COL24A1: variants seen among roughly 807,000 people sequenced by gnomAD.
COL24A1 encodes collagen type XXIV alpha 1 chain, also known as collagen alpha-1(XXIV) chain.
In COL24A1, 224 loss-of-function variants were observed where a neutral mutation model predicts 253.9. That is an observed-to-expected ratio of 0.88 (90% CI 0.79 to 0.99). The LOEUF (loss-of-function observed/expected upper bound fraction) is 0.99. Among genes scored for constraint, COL24A1 ranks in the 50% least tolerant of loss-of-function variants. The pLI is 0.00. For missense variants in COL24A1, 2,131 were observed against 2,068.5 expected (o/e 1.03, Z -0.59); for synonymous variants, 685 against 673.7 (o/e 1.02, Z -0.26).
chr1:85,907,070 G>GA, intron 28 of COL24A1, 124 bp downstream of exon 28: 2 of 659,454 alleles, frequency 3.0e-6, no homozygotes, highest in South Asian at 2.2e-5. Flanking sequence ...AATGAAAATA[G>GA]AAAAAACCTG....
At chr1:86,031,701 C>T (rs1363858963) in intron 14 of COL24A1, among the ~76,000 whole-genome samples, 177 bp downstream of exon 14, 1 of 151,640 alleles carries the variant, frequency 6.6e-6, no homozygotes, top group Admixed American at 6.6e-5. Context: ...AATTTTTTGA[C>T]TTATACTACT....
intron 53 of COL24A1, among the ~76,000 whole-genome samples, chr1:85,765,656 G>T (rs1041386233): frequency 6.6e-6 from 1 of 151,932 alleles, no homozygotes; most frequent in African/African-American, 2.4e-5. Context: ...TGGGAGGATT[G>T]CCTGAGCCCA....
In COL24A1 at chr1:86,107,524, T is replaced by A. The variant is rs976994754; in HGVS notation, c.1599+5043A>T. ...CACAATGGTAATTTATTTATTTATT[T>A]ATTTATTTATTTATTTATTTATTTA... On this transcript the variant is annotated intron_variant, in intron 5 of 59. Transcript: ENST00000370571. Among the ~76,000 whole-genome samples the A allele has an allele frequency of 5.2e-4, 77 of 149,002 alleles. 1 individual carries two copies. The East Asian group carries it at 0.012, about 22-fold the overall frequency.
At position 85,982,858 on chromosome 1, in the gene COL24A1, G is replaced by A. The variant is rs558006929; in HGVS notation, c.2364+4743C>T. Among the ~76,000 whole-genome samples the A allele has an allele frequency of 1.4e-3, 208 of 152,072 alleles. 1 individual carries two copies. The Middle Eastern group carries it at 0.017, about 12-fold the overall frequency. On this transcript the variant is annotated intron_variant, in intron 20 of 59. Transcript: ENST00000370571. ...ATAAATATTTCTTAGCTGACTAAAT[G>A]TTACCTGGAGAATAAATGTCTTATA...
intron 24 of COL24A1, among the ~76,000 whole-genome samples, chr1:85,957,910 A>G (rs1344011162): frequency 1.3e-5 from 2 of 152,220 alleles, no homozygotes; most frequent in Admixed American, 6.5e-5. Context: ...CTCCTTCACT[A>G]GTATCATCTC....
intron 32 of COL24A1, among the ~76,000 whole-genome samples, chr1:85,886,122 G>C (rs1426762736): frequency 6.6e-6 from 1 of 151,218 alleles, no homozygotes; most frequent in African/African-American, 2.4e-5. Context: ...GAGTGCAGTT[G>C]TGCGATCTTG....
intron 5 of COL24A1, among the ~76,000 whole-genome samples, 161 bp from the exon 6 acceptor site, chr1:86,092,481 A>G (rs1283321994): frequency 6.6e-6 from 1 of 151,864 alleles, no homozygotes; most frequent in African/African-American, 2.4e-5. Flanking sequence ...TTTAATGTAT[A>G]TTTTTCTTAG....
At chr1:86,009,215 T>G (rs1696274143) in intron 19 of COL24A1, among the ~76,000 whole-genome samples, 1 of 152,128 alleles carries the variant, frequency 6.6e-6, no homozygotes, top group African/African-American at 2.4e-5. Context: ...CAACACACCA[T>G]AAAGTTTCTA....
At position 85,730,109 on chromosome 1, in the gene COL24A1, C is replaced by T. The variant is rs1322684913; in HGVS notation, c.*437G>A. On this transcript the variant is annotated 3_prime_UTR_variant, in exon 60 of 60. Coordinates refer to ENST00000370571, the MANE Select transcript of COL24A1 (RefSeq NM_152890.7). ...ATGCCCATCGGGGACCTGAATACAGCTTAGTGTTTTGGAAAATAAGACATA... is the reference window on the plus strand; with the variant it reads ...ATGCCCATCGGGGACCTGAATACAGTTTAGTGTTTTGGAAAATAAGACATA... The T allele has an allele frequency of 6.5e-6, 1 of 153,434 alleles. No individual in the cohort carries two copies. The highest frequency in any genetic ancestry group is 6.5e-5 in the Admixed American group (1 of 15,400). The allele number at this position is 153,434 out of a possible 1,614,324, so 9.5% of individuals were successfully genotyped here.
intron 24 of COL24A1, among the ~76,000 whole-genome samples, chr1:85,925,884 G>A (rs1687136601): frequency 1.3e-5 from 2 of 152,012 alleles, no homozygotes; most frequent in Admixed American, 1.3e-4. Context: ...GAGTGAACAG[G>A]CAACCTACAG....
chr1:85,790,511 C>T (rs183027558), intron 47 of COL24A1, among the ~76,000 whole-genome samples: 16 of 150,312 alleles, frequency 1.1e-4, no homozygotes, highest in Admixed American at 1.3e-4. Flanking sequence ...CTCCTGGATT[C>T]GTTGATTTTT....
chr1:86,043,406 T>A (rs956958228), intron 12 of COL24A1, among the ~76,000 whole-genome samples: 4 of 152,042 alleles, frequency 2.6e-5, no homozygotes, highest in African/African-American at 7.2e-5. Context: ...AAATTAAGGG[T>A]AATAGTTGTG....
At chr1:86,139,723 T>A (rs1314672683) in intron 2 of COL24A1, among the ~76,000 whole-genome samples, 1 of 152,158 alleles carries the variant, frequency 6.6e-6, no homozygotes, top group Non-Finnish European at 1.5e-5. Flanking sequence ...ATCAGTTACA[T>A]CCCAAAGCTA....
intron 41 of COL24A1, among the ~76,000 whole-genome samples, chr1:85,841,730 C>T (rs911343340): frequency 6.6e-6 from 1 of 152,010 alleles, no homozygotes; most frequent in Non-Finnish European, 1.5e-5. Flanking sequence ...TCCTGACTCT[C>T]CTGCCCCAAA....
At chr1:86,017,501 C>A (rs962558744) in intron 18 of COL24A1, among the ~76,000 whole-genome samples, 1 of 152,028 alleles carries the variant, frequency 6.6e-6, no homozygotes, top group Non-Finnish European at 1.5e-5. Context: ...AGAGATAAGA[C>A]AATAAAGCTG....
intron 45 of COL24A1, among the ~76,000 whole-genome samples, chr1:85,821,425 G>A (rs1387563162): frequency 2.0e-5 from 3 of 151,816 alleles, no homozygotes; most frequent in Admixed American, 2.0e-4. Flanking sequence ...AATCTCTCTG[G>A]GATTTTAATT....
intron 47 of COL24A1, among the ~76,000 whole-genome samples, chr1:85,790,038 T>G (rs935643275): frequency 5.9e-5 from 9 of 152,184 alleles, no homozygotes; most frequent in Non-Finnish European, 1.5e-5. Context: ...CTAGCAGGTT[T>G]TGGTATCAGG....
At chr1:86,051,105 T>C (rs1700264725) in intron 10 of COL24A1, among the ~76,000 whole-genome samples, 2 of 152,128 alleles carry the variant, frequency 1.3e-5, no homozygotes, top group South Asian at 2.1e-4. Flanking sequence ...AAACACTGAA[T>C]ATAGGCCAAC....
chr1:86,069,043 C>T (rs1701684831), intron 7 of COL24A1, among the ~76,000 whole-genome samples: 1 of 152,118 alleles, frequency 6.6e-6, no homozygotes, highest in Admixed American at 6.5e-5. Context: ...CAGTACATTC[C>T]AGCTGTGGTG....
Sources: allele counts gnomAD v4.1 joint callset (sites outside exome capture counted in the v4.1 genomes callset), GRCh38; gene constraint gnomAD v4.1.1; transcripts MANE v1.5; gene names NCBI Gene and HGNC (gene_info 2026-07-23, HGNC 2026-07-21).